The following SNTG1 variants were observed in gnomAD, a reference collection of about 807,000 sequenced individuals.
SNTG1 encodes the protein syntrophin gamma 1.
In SNTG1, 39 loss-of-function variants were observed where a neutral mutation model predicts 74.7. The ratio of observed to expected loss-of-function variants is 0.52; its 90% CI spans 0.40 to 0.68. The LOEUF (loss-of-function observed/expected upper bound fraction) is 0.68. Ranked by LOEUF, SNTG1 falls within the 30% of genes least tolerant of loss-of-function variation. SNTG1 has a pLI of 0.00. For synonymous variants in SNTG1, 254 were observed against 217.1 expected (o/e 1.17, Z -1.49); for missense variants, 685 against 609.5 (o/e 1.12, Z -1.30).
At chr8:50,613,979 C>T (rs986708489) in intron 13 of SNTG1, among the ~76,000 whole-genome samples, 2 of 152,172 alleles carry the variant, frequency 1.3e-5, no homozygotes, top group Admixed American at 6.5e-5. Flanking sequence ...AGTTTTGATT[C>T]AACTTTTAGA....
chr8:49,988,974 AC>A, intron 1 of SNTG1, among the ~76,000 whole-genome samples: 1 of 152,040 alleles, frequency 6.6e-6, no homozygotes, highest in East Asian at 1.9e-4. Flanking sequence ...TGTTTCTAAC[AC>A]AAAAATGTCA....
chr8:50,653,001 CTGTT>C (rs531538619), intron 13 of SNTG1, among the ~76,000 whole-genome samples: 288 of 151,834 alleles, frequency 1.9e-3, no homozygotes, highest in African/African-American at 6.4e-3. Context: ...TTTTTGGTCT[CTGTT>C]TGGTATAATT....
chr8:50,094,109 A>G (rs1468432202), intron 1 of SNTG1, among the ~76,000 whole-genome samples: 4 of 152,074 alleles, frequency 2.6e-5, no homozygotes, highest in African/African-American at 9.7e-5. Context: ...CTGAAATTAT[A>G]TGTGTGTTTG....
At chr8:50,558,053 G>T (rs1334402783) in intron 12 of SNTG1, among the ~76,000 whole-genome samples, 1 of 152,162 alleles carries the variant, frequency 6.6e-6, no homozygotes, top group Non-Finnish European at 1.5e-5. Flanking sequence ...GAAATCCAAG[G>T]CTCTTCTCAG....
At chr8:50,460,722 C>A (rs1207558314) in intron 8 of SNTG1, among the ~76,000 whole-genome samples, 2 of 152,060 alleles carry the variant, frequency 1.3e-5, no homozygotes, top group African/African-American at 2.4e-5. Flanking sequence ...GCTATTCTAG[C>A]ACCATTTATT....
chr8:50,776,483 G>T (rs929515688), intron 18 of SNTG1, among the ~76,000 whole-genome samples: 1 of 146,116 alleles, frequency 6.8e-6, no homozygotes, highest in Admixed American at 6.9e-5. Context: ...TATAAATATT[G>T]TTTATATTTA....
chr8:50,742,100 A>G (rs2095544802), intron 17 of SNTG1, among the ~76,000 whole-genome samples: 1 of 152,000 alleles, frequency 6.6e-6, no homozygotes, highest in Admixed American at 6.6e-5. Context: ...TTCTGTGAAC[A>G]TGAAACTGCT....
At chr8:49,994,037 C>G (rs1326310232) in intron 1 of SNTG1, among the ~76,000 whole-genome samples, 2 of 152,060 alleles carry the variant, frequency 1.3e-5, no homozygotes, top group Non-Finnish European at 2.9e-5. Flanking sequence ...ATTATATAGT[C>G]TGTAGTTTAT....
chr8:50,305,806 T>G (rs1320135406), intron 2 of SNTG1, among the ~76,000 whole-genome samples: 1 of 152,038 alleles, frequency 6.6e-6, no homozygotes, highest in South Asian at 2.1e-4. Context: ...TTAAGAAATC[T>G]AAATTTCAGA....
chr8:50,319,279 G>A (rs1343269547), intron 2 of SNTG1, among the ~76,000 whole-genome samples: 2 of 152,062 alleles, frequency 1.3e-5, no homozygotes, highest in Admixed American at 6.6e-5. Context: ...CAGGAGAATC[G>A]CTTGAACCTG....
intron 8 of SNTG1, among the ~76,000 whole-genome samples, chr8:50,482,190 G>T (rs774361890): frequency 6.6e-6 from 1 of 152,186 alleles, no homozygotes; most frequent in Non-Finnish European, 1.5e-5. Context: ...AGGTTGCTAT[G>T]GAGACCACAG....
intron 18 of SNTG1, among the ~76,000 whole-genome samples, chr8:50,778,213 T>C (rs1409506178): frequency 6.6e-6 from 1 of 152,218 alleles, no homozygotes; most frequent in Non-Finnish European, 1.5e-5. Flanking sequence ...TTTGGGTATA[T>C]ACCCAGTAAC....
chr8:50,579,666 G>T (rs1443523573), intron 12 of SNTG1, among the ~76,000 whole-genome samples: 3 of 152,110 alleles, frequency 2.0e-5, no homozygotes, highest in Non-Finnish European at 4.4e-5. Flanking sequence ...AAAAAAAGGG[G>T]GCCAATGCGC....
rs1814960966 is a variant in SNTG1, at chr8:50,003,752, T to TA, written c.-103+91522dup. Among the ~76,000 whole-genome samples the TA allele has an allele frequency of 1.3e-4, 20 of 152,256 alleles. No homozygotes were observed. The South Asian group carries it at 4.1e-3, about 32-fold the overall frequency. On this transcript the variant is annotated intron_variant, in intron 1 of 18. Coordinates refer to ENST00000642720, the MANE Select transcript of SNTG1 (RefSeq NM_018967.5). Reference sequence around the variant, plus strand: ...TATTAAAATAATGTGTTAATGCCTCTAGGGGGAATAAAAATGATTTGGTCA... The same window carrying TA: ...TATTAAAATAATGTGTTAATGCCTCTAAGGGGGAATAAAAATGATTTGGTCA...
intron 1 of SNTG1, among the ~76,000 whole-genome samples, chr8:50,049,461 T>C (rs1451269151): frequency 3.3e-5 from 5 of 152,230 alleles, no homozygotes; most frequent in South Asian, 2.1e-4. Flanking sequence ...CATTAACATG[T>C]TTGCACTTAA....
intron 18 of SNTG1, among the ~76,000 whole-genome samples, chr8:50,781,605 T>C (rs939837687): frequency 2.6e-5 from 4 of 152,182 alleles, no homozygotes; most frequent in African/African-American, 7.2e-5. Flanking sequence ...TGTCTCTGCA[T>C]GTGAGATGGG....
intron 15 of SNTG1, among the ~76,000 whole-genome samples, chr8:50,694,227 A>G (rs1165883114): frequency 2.6e-5 from 4 of 152,036 alleles, no homozygotes; most frequent in African/African-American, 9.7e-5. Context: ...AGAGACTCAA[A>G]TAAATAAAAC....
chr8:50,733,976 C>T (rs1216291283), intron 17 of SNTG1, among the ~76,000 whole-genome samples: 1 of 151,608 alleles, frequency 6.6e-6, no homozygotes, highest in African/African-American at 2.4e-5. Context: ...TTATATAATT[C>T]TATGTAATTT....
At chr8:50,317,478 T>C (rs2090356839) in intron 2 of SNTG1, among the ~76,000 whole-genome samples, 1 of 152,214 alleles carries the variant, frequency 6.6e-6, no homozygotes, top group Non-Finnish European at 1.5e-5. Context: ...GGAAAAGTAA[T>C]GCACATGCCT....
Sources: gnomAD v4.1 joint callset for allele counts (sites outside exome capture counted in the v4.1 genomes callset) on GRCh38, gnomAD v4.1.1 for gene constraint, MANE v1.5 for transcripts, NCBI Gene and HGNC (gene_info 2026-07-23, HGNC 2026-07-21) for gene names.